Variants in DRD2 observed in about 807,000 individuals in gnomAD.
DRD2 encodes dopamine receptor D2.
Under a neutral mutation model 38.0 loss-of-function variants are expected in DRD2, and 8 were observed. The observed-to-expected ratio is 0.21, with a 90% CI of 0.12 to 0.38. DRD2 has a LOEUF of 0.38. DRD2 is among the 10% of genes least tolerant of loss of function. DRD2 has a pLI of 1.00. For synonymous variants in DRD2, 230 were observed against 238.6 expected (o/e 0.96, Z 0.33); for missense variants, 403 against 607.7 (o/e 0.66, Z 3.54).
At chr11:113,413,641 C>T (rs1950792195) in intron 6 of DRD2, among the ~76,000 whole-genome samples, 1 of 152,206 alleles carries the variant, frequency 6.6e-6, no homozygotes, top group Non-Finnish European at 1.5e-5. Flanking sequence ...TAGAGTCCTG[C>T]CCTTGCAGTG....
chr11:113,452,479 C>T (rs61902785), intron 1 of DRD2, among the ~76,000 whole-genome samples: 50,743 of 118,618 alleles, frequency 0.43, 9,967 homozygotes, highest in Admixed American at 0.56. Flanking sequence ...TGCGCGCGCG[C>T]GCGCGCGCAC....
intron 1 of DRD2, among the ~76,000 whole-genome samples, chr11:113,462,468 T>A (rs972349881): frequency 6.6e-6 from 1 of 152,088 alleles, no homozygotes; most frequent in South Asian, 2.1e-4. Context: ...CAGAGAGCCA[T>A]GGGGGAGAGA....
chr11:113,449,489 T>G (rs1235661364), intron 1 of DRD2, among the ~76,000 whole-genome samples: 1 of 152,162 alleles, frequency 6.6e-6, no homozygotes, highest in African/African-American at 2.4e-5. Context: ...TTGGGAACTG[T>G]AGGCGTCCTT....
Position 113,421,865 on chromosome 11 carries a change from G to A in DRD2, c.285+2502C>T, listed in dbSNP as rs570497299. ...AAGGCTCAGTGCCCAGCTCTAGTTTGATGAGATGCTGTGGGGAAGTCTGAG... is the reference window on the plus strand; with the variant it reads ...AAGGCTCAGTGCCCAGCTCTAGTTTAATGAGATGCTGTGGGGAAGTCTGAG... On this transcript the variant is annotated intron_variant, in intron 2 of 7. Transcript: ENST00000362072. 2.0e-5 allele frequency among the ~76,000 whole-genome samples: 3 copies of A among 152,290 alleles called. No individual in the cohort carries two copies. The South Asian group carries it at 6.2e-4, about 32-fold the overall frequency.
intron 1 of DRD2, among the ~76,000 whole-genome samples, chr11:113,472,160 C>T (rs1366094629): frequency 4.6e-5 from 7 of 152,218 alleles, no homozygotes; most frequent in African/African-American, 1.4e-4. Flanking sequence ...CATATGTGTG[C>T]ATGCACGTGT....
chr11:113,437,880 T>C (rs896342025), intron 1 of DRD2, among the ~76,000 whole-genome samples: 1 of 152,020 alleles, frequency 6.6e-6, no homozygotes, highest in African/African-American at 2.4e-5. Flanking sequence ...TTCTGCTACC[T>C]CCCTCAGAGG....
intron 1 of DRD2, among the ~76,000 whole-genome samples, chr11:113,468,051 A>G (rs1388213832): frequency 6.6e-6 from 1 of 152,252 alleles, no homozygotes; most frequent in Non-Finnish European, 1.5e-5. Flanking sequence ...AATAACAATA[A>G]CAATCATTAC....
At chr11:113,414,133 A>G in intron 6 of DRD2, 1 of 571,210 alleles carries the variant, frequency 1.8e-6, no homozygotes, top group South Asian at 1.9e-5. Context: ...CATTATTATC[A>G]TTTTTATTAC....
At chr11:113,435,473 G>C (rs1365016256) in intron 1 of DRD2, among the ~76,000 whole-genome samples, 1 of 152,118 alleles carries the variant, frequency 6.6e-6, no homozygotes, top group African/African-American at 2.4e-5. Context: ...GGCAGCTCAC[G>C]TGCACTGCAG....
Position 113,414,383 on chromosome 11 carries a change from G to T in DRD2, c.802C>A (p.Arg268=), listed in dbSNP as rs755972288. The change falls in exon 6 of 8, where the codon CGG becomes AGG. Residue 268 remains arginine (R), a synonymous_variant. Transcript: ENST00000362072. ...CTGGCCTGAGCACTTACCACTCTCC[G>T]CCTGTTCACTGGGAAACTCCCATTA... ...KSNGSFPVNR[R]RVEAARRAQE... The T allele has an allele frequency of 6.8e-6, 11 of 1,613,906 alleles. No individual in the cohort carries two copies. In the South Asian group the frequency reaches 1.2e-4, roughly 18 times the overall value.
intron 1 of DRD2, among the ~76,000 whole-genome samples, chr11:113,435,458 C>T (rs1438984122): frequency 6.6e-6 from 1 of 152,040 alleles, no homozygotes; most frequent in Admixed American, 6.5e-5. Context: ...GGGGCAGATC[C>T]CTGGGGCAGC....
chr11:113,420,012 G>A (rs757182078), intron 2 of DRD2, among the ~76,000 whole-genome samples: 17 of 152,174 alleles, frequency 1.1e-4, no homozygotes, highest in African/African-American at 1.7e-4. Context: ...CCCATTTTGC[G>A]GGTGGAGGCA....
chr11:113,460,127 A>C (rs969960888), intron 1 of DRD2, among the ~76,000 whole-genome samples: 1 of 152,224 alleles, frequency 6.6e-6, no homozygotes, highest in Non-Finnish European at 1.5e-5. Context: ...CTATGATTAG[A>C]GGCACTATCA....
intron 2 of DRD2, among the ~76,000 whole-genome samples, chr11:113,420,353 T>G (rs1385320548): frequency 6.6e-6 from 1 of 152,238 alleles, no homozygotes; most frequent in African/African-American, 2.4e-5. Context: ...CTCCTTGCAC[T>G]GGCCTATCTG....
intron 1 of DRD2, among the ~76,000 whole-genome samples, chr11:113,473,901 TG>T (rs1951451644): frequency 6.6e-6 from 1 of 151,662 alleles, no homozygotes; most frequent in Non-Finnish European, 1.5e-5. Context: ...AGGGTGGGAG[TG>T]GGGAGAATCG....
At chr11:113,467,776 G>A (rs931763861) in intron 1 of DRD2, among the ~76,000 whole-genome samples, 4 of 152,190 alleles carry the variant, frequency 2.6e-5, no homozygotes, top group Non-Finnish European at 5.9e-5. Context: ...CTCATGTGGT[G>A]TAAGATGGAA....
At chr11:113,462,717 C>T (rs1951334927) in intron 1 of DRD2, among the ~76,000 whole-genome samples, 1 of 152,228 alleles carries the variant, frequency 6.6e-6, no homozygotes, top group Non-Finnish European at 1.5e-5. Flanking sequence ...TTCTGGATGC[C>T]CTGGGTCTCA....
Position 113,410,726 on chromosome 11 carries a change from G to A in DRD2, c.*1C>T. On this transcript the variant is annotated 3_prime_UTR_variant, in exon 8 of 8. Transcript: ENST00000362072. Reference sequence around the variant, plus strand: ...GGCTGCTGTGCGGGCAGGCAGCAGAGTCAGCAGTGGAGGATCTTCAGGAAG... The same window carrying A: ...GGCTGCTGTGCGGGCAGGCAGCAGAATCAGCAGTGGAGGATCTTCAGGAAG... 6.2e-7 allele frequency: 1 copy of A among 1,614,236 alleles called. No individual in the cohort carries two copies. The highest frequency in any genetic ancestry group is 8.5e-7 in the Non-Finnish European group (1 of 1,180,034).
At chr11:113,468,700 GC>G (rs1426784544) in intron 1 of DRD2, among the ~76,000 whole-genome samples, 1 of 152,036 alleles carries the variant, frequency 6.6e-6, no homozygotes, top group African/African-American at 2.4e-5. Context: ...GGTGCATGCT[GC>G]CAGATCCTAA....
Sources: allele counts gnomAD v4.1 joint callset (sites outside exome capture counted in the v4.1 genomes callset), GRCh38; gene constraint gnomAD v4.1.1; transcripts MANE v1.5; gene names NCBI Gene and HGNC (gene_info 2026-07-23, HGNC 2026-07-21).